The following DOCK2 variants were observed in gnomAD, a reference collection of about 807,000 sequenced individuals.
DOCK2 encodes dedicator of cytokinesis 2.
In DOCK2, 87 loss-of-function variants were observed where a neutral mutation model predicts 248.9. That is an observed-to-expected ratio of 0.35 (90% confidence interval 0.29 to 0.42). DOCK2 has a LOEUF of 0.42. Among genes scored for constraint, DOCK2 ranks in the 10% least tolerant of loss-of-function variants. The pLI, the probability that DOCK2 is intolerant of heterozygous loss-of-function variation, is 1.00. For synonymous variants in DOCK2, 805 were observed against 821.6 expected (o/e 0.98, Z 0.35); for missense variants, 1,747 against 2,300.2 (o/e 0.76, Z 4.92).
intron 41 of DOCK2, among the ~76,000 whole-genome samples, chr5:170,054,287 G>A (rs1421719860): frequency 6.6e-6 from 1 of 152,170 alleles, no homozygotes; most frequent in East Asian, 1.9e-4. Flanking sequence ...TCATTGGGTA[G>A]AATAGAGGGA....
rs138714263 is a variant in DOCK2 at position 169,671,131 on chromosome 5, C to T, written c.278C>T (p.Thr93Met). The change falls in exon 5 of 52, where the codon ACG (threonine) becomes ATG (methionine). Residue 93 changes from threonine (T) to methionine (M), a missense_variant. By Grantham distance (81) the Thr-to-Met change is moderately conservative. Transcript: ENST00000520908. The stretch of plus-strand genomic sequence containing the variant: ...ATTCCTCTGGCACAAGAAGTGACAA[C>T]GACACTTTGGGAATGGGGAAGCATC... ...AEIPLAQEVT[T>M]TLWEWGSIWK... 56 of 1,613,840 alleles carry T rather than the reference C, an allele frequency of 3.5e-5. No individual in the cohort carries two copies. The highest frequency in any genetic ancestry group is 9.3e-5 in the African/African-American group (7 of 74,912).
At chr5:170,077,680 G>C in intron 47 of DOCK2, 30 bp from the exon 48 acceptor site, 1 of 1,612,020 alleles carries the variant, frequency 6.2e-7, no homozygotes, top group South Asian at 1.1e-5. Context: ...CCAGGCTACA[G>C]CTGCTAACCA....
At chr5:169,897,053 A>C (rs75044823) in intron 27 of DOCK2, among the ~76,000 whole-genome samples, 8,768 of 152,274 alleles carry the variant, frequency 0.058, 323 homozygotes, top group Non-Finnish European at 0.083. Flanking sequence ...TGTAGCCTTG[A>C]ACTCTAAGAG....
chr5:170,069,673 G>C (rs1757613030), intron 46 of DOCK2, among the ~76,000 whole-genome samples: 1 of 152,140 alleles, frequency 6.6e-6, no homozygotes. Flanking sequence ...ATGGATATCA[G>C]GTTTTGAAAA....
In DOCK2 at chr5:169,811,784, A is replaced by G. The variant is rs1188100423; in HGVS notation, c.2703+8578A>G. Among the ~76,000 whole-genome samples, 16 of 152,148 alleles carry G rather than the reference A, an allele frequency of 1.1e-4. 1 individual carries two copies. The highest frequency in any genetic ancestry group is 2.4e-4 in the Non-Finnish European group (16 of 68,020). On this transcript the variant is annotated intron_variant, in intron 26 of 51. Transcript: ENST00000520908. ...GGCTGAGTCTCAGAGAGGCTAGGTG[A>G]CATTCCCAACTCAACAGCCTCTCAG...
At chr5:169,918,894 A>G (rs2113644449) in intron 27 of DOCK2, among the ~76,000 whole-genome samples, 1 of 152,326 alleles carries the variant, frequency 6.6e-6, no homozygotes, top group East Asian at 1.9e-4. Flanking sequence ...CGGACGACAG[A>G]GCAAGACTTT....
intron 51 of DOCK2, 118 bp from the exon 52 acceptor site, chr5:170,082,678 A>G (rs1758075867): frequency 7.0e-6 from 9 of 1,287,852 alleles, no homozygotes; most frequent in Non-Finnish European, 9.8e-6. Flanking sequence ...GCTCACATTC[A>G]CTGGGCTTTG....
intron 22 of DOCK2, among the ~76,000 whole-genome samples, 172 bp downstream of exon 22, chr5:169,718,963 A>T (rs1479681946): frequency 6.6e-6 from 1 of 152,232 alleles, no homozygotes; most frequent in Non-Finnish European, 1.5e-5. Flanking sequence ...GTACCCTCTA[A>T]GTTCATTTGG....
intron 25 of DOCK2, among the ~76,000 whole-genome samples, chr5:169,800,799 C>A (rs1469101200): frequency 2.6e-5 from 4 of 152,062 alleles, no homozygotes; most frequent in African/African-American, 9.7e-5. Flanking sequence ...AACTAGTTAT[C>A]GGAGAGGAGA....
chr5:169,720,736 C>T (rs1762150733), intron 22 of DOCK2, among the ~76,000 whole-genome samples: 1 of 151,962 alleles, frequency 6.6e-6, no homozygotes, highest in Admixed American at 6.6e-5. Context: ...AATTTTGAGA[C>T]AGAGTCTTGC....
At chr5:169,675,092 C>G in intron 6 of DOCK2, among the ~76,000 whole-genome samples, 1 of 152,186 alleles carries the variant, frequency 6.6e-6, no homozygotes, top group East Asian at 1.9e-4. Flanking sequence ...ATGGAGTATG[C>G]AGTTTGATTA....
chr5:169,641,034 G>A (rs1445457467), intron 1 of DOCK2, among the ~76,000 whole-genome samples: 10 of 152,184 alleles, frequency 6.6e-5, no homozygotes. Context: ...GCAATCCTCG[G>A]CATTCCTTGG....
chr5:169,842,294 A>T (rs780000673), intron 27 of DOCK2, among the ~76,000 whole-genome samples: 12 of 152,110 alleles, frequency 7.9e-5, no homozygotes, highest in Non-Finnish European at 1.0e-4. Context: ...AGCCATGTAA[A>T]CTGGTCTTTG....
intron 27 of DOCK2, among the ~76,000 whole-genome samples, chr5:169,938,998 G>A (rs574663996): frequency 1.3e-5 from 2 of 150,488 alleles, no homozygotes; most frequent in East Asian, 2.0e-4. Flanking sequence ...CCGCCTCCTG[G>A]GTTCACGCCA....
At chr5:169,896,668 T>C (rs1449648408) in intron 27 of DOCK2, among the ~76,000 whole-genome samples, 1 of 151,850 alleles carries the variant, frequency 6.6e-6, no homozygotes, top group African/African-American at 2.4e-5. Flanking sequence ...TCATCATTAT[T>C]ATTATCAAAG....
rs774986812 is a variant in DOCK2, at chr5:169,714,468, C to T, written c.1941+11C>T. On this transcript the variant is annotated intron_variant, in intron 19 of 51. Coordinates refer to ENST00000520908, the MANE Select transcript of DOCK2 (RefSeq NM_004946.3). ...GAGGAAGTGGTGAAGGTCAGTGGGG[C>T]TTCATTTTGATTGTATTCTTACACT... 2 of 1,613,348 alleles carry T rather than the reference C, an allele frequency of 1.2e-6. No individual in the cohort carries two copies. The highest frequency in any genetic ancestry group is 1.1e-5 in the South Asian group (1 of 91,022).
At chr5:169,735,316 G>A (rs1326620138) in intron 22 of DOCK2, among the ~76,000 whole-genome samples, 4 of 152,160 alleles carry the variant, frequency 2.6e-5, no homozygotes, top group Non-Finnish European at 5.9e-5. Flanking sequence ...TCTGGAATTG[G>A]TGGCTTTCAT....
intron 25 of DOCK2, among the ~76,000 whole-genome samples, chr5:169,772,074 G>A (rs1278992877): frequency 6.6e-6 from 1 of 152,154 alleles, no homozygotes. Context: ...TGTGGGCTGA[G>A]TTGCTATAGC....
intron 27 of DOCK2, among the ~76,000 whole-genome samples, chr5:169,920,296 ATAT>A (rs1775103105): frequency 6.6e-6 from 1 of 152,194 alleles, no homozygotes; most frequent in Admixed American, 6.5e-5. Context: ...ATAAAATATA[ATAT>A]TATGTAAGAT....
Sources: allele counts gnomAD v4.1 joint callset (sites outside exome capture counted in the v4.1 genomes callset), GRCh38; gene constraint gnomAD v4.1.1; transcripts MANE v1.5; gene names NCBI Gene and HGNC (gene_info 2026-07-23, HGNC 2026-07-21).